CNTLN: variants seen among roughly 807,000 people sequenced by gnomAD.
CNTLN encodes centlein, centrosomal protein.
CNTLN carries 212 observed loss-of-function variants against 180.0 expected under a neutral mutation model. The observed-to-expected ratio is 1.18, with a 90% CI of 1.05 to 1.32. The LOEUF (loss-of-function observed/expected upper bound fraction) is 1.32, where lower values mean the gene tolerates loss of function less well. Among genes scored for constraint, CNTLN ranks in the 40% most tolerant of loss-of-function variants. The pLI is 0.00. For missense variants in CNTLN, 2,095 were observed against 1,610.9 expected (o/e 1.30, Z -5.14); for synonymous variants, 722 against 563.1 (o/e 1.28, Z -3.99).
At chr9:17,135,989 C>T (rs1279884867) in intron 1 of CNTLN, among the ~76,000 whole-genome samples, 1 of 145,818 alleles carries the variant, frequency 6.9e-6, no homozygotes, top group Non-Finnish European at 1.5e-5. Flanking sequence ...TGTTTATTAA[C>T]CAGCTATGGT....
At chr9:17,385,414 C>T (rs560197481) in intron 13 of CNTLN, among the ~76,000 whole-genome samples, 1 of 152,276 alleles carries the variant, frequency 6.6e-6, no homozygotes, top group African/African-American at 2.4e-5. Flanking sequence ...CCTCTTGCAG[C>T]CAGTCCTCAT....
At chr9:17,337,358 G>A (rs1268547206) in intron 10 of CNTLN, among the ~76,000 whole-genome samples, 1 of 151,942 alleles carries the variant, frequency 6.6e-6, no homozygotes, top group Non-Finnish European at 1.5e-5. Flanking sequence ...CATTGCTTTT[G>A]GTGTTTTAGT....
chr9:17,311,724 G>A (rs10963023), intron 8 of CNTLN, among the ~76,000 whole-genome samples: 118,645 of 151,360 alleles, frequency 0.78, 47,584 homozygotes, highest in Non-Finnish European at 0.87. Flanking sequence ...CAGGAGAATT[G>A]CTCCAACGTG....
intron 2 of CNTLN, among the ~76,000 whole-genome samples, chr9:17,204,370 A>G (rs1280357260): frequency 6.7e-6 from 1 of 150,162 alleles, no homozygotes. Flanking sequence ...TGTTTTTTTT[A>G]TGTGGGGGTC....
intron 10 of CNTLN, among the ~76,000 whole-genome samples, chr9:17,339,007 G>A (rs1279301290): frequency 1.3e-5 from 2 of 152,066 alleles, no homozygotes; most frequent in Non-Finnish European, 1.5e-5. Flanking sequence ...TCCTACTTTA[G>A]CAAATTTGCA....
chr9:17,210,741 G>T (rs531591162), intron 2 of CNTLN, among the ~76,000 whole-genome samples: 28 of 152,230 alleles, frequency 1.8e-4, no homozygotes, highest in African/African-American at 6.0e-4. Flanking sequence ...TTTAATGATT[G>T]TCATTCTAAC....
chr9:17,237,354 TACAC>T (rs59168012), intron 5 of CNTLN, among the ~76,000 whole-genome samples: 17,087 of 106,212 alleles, frequency 0.16, 1,415 homozygotes, highest in African/African-American at 0.19. Flanking sequence ...TATATGCCCC[TACAC>T]ACACACACAC....
chr9:17,302,706 G>C (rs1350472635), intron 7 of CNTLN, among the ~76,000 whole-genome samples: 2 of 152,152 alleles, frequency 1.3e-5, no homozygotes, highest in East Asian at 3.9e-4. Flanking sequence ...AAACTTTATG[G>C]CGATGTTTCT....
rs57960408 is a variant in CNTLN at position 17,202,646 on chromosome 9, G to GTTTTTTT, written c.450-23539_450-23533dup. Reference sequence around the variant, plus strand: ...ATCAGAGCCTAGGATTGCAACCTCTGTTTTTTTTTTTTTTTTTTTTTTTTG... The same window carrying GTTTTTTT: ...ATCAGAGCCTAGGATTGCAACCTCTGTTTTTTTTTTTTTTTTTTTTTTTTTTTTTTTG... On this transcript the variant is annotated intron_variant, in intron 2 of 25. Coordinates refer to ENST00000380647, the MANE Select transcript of CNTLN (RefSeq NM_017738.4). Among the ~76,000 whole-genome samples, 285 of 71,376 alleles carry GTTTTTTT rather than the reference G, an allele frequency of 4.0e-3. 3 individuals carry two copies. Among genetic ancestry groups the GTTTTTTT allele is most frequent in the South Asian group, 9.0e-3 (15 of 1,660 alleles). The allele number at this position is 71,376 out of a possible 152,430, so 46.8% of individuals were successfully genotyped here.
intron 8 of CNTLN, among the ~76,000 whole-genome samples, chr9:17,324,657 TGTCATCTACTG>T (rs1300881945): frequency 6.6e-6 from 1 of 152,148 alleles, no homozygotes; most frequent in Non-Finnish European, 1.5e-5. Flanking sequence ...TACCCATAAT[TGTCATCTACTG>T]GATATAAGTA....
At chr9:17,301,998 GT>G in intron 7 of CNTLN, 1 of 979,110 alleles carries the variant, frequency 1.0e-6, no homozygotes, top group Non-Finnish European at 1.2e-6. Flanking sequence ...TATGTTATTT[GT>G]TTTACTATTG....
At chr9:17,450,583 C>G (rs1012067777) in intron 18 of CNTLN, among the ~76,000 whole-genome samples, 2 of 152,154 alleles carry the variant, frequency 1.3e-5, no homozygotes, top group Non-Finnish European at 2.9e-5. Context: ...GATTAATCTA[C>G]CATTGGCCAA....
chr9:17,290,329 G>C (rs958899831), intron 6 of CNTLN, among the ~76,000 whole-genome samples: 1 of 151,284 alleles, frequency 6.6e-6, no homozygotes, highest in Non-Finnish European at 1.5e-5. Flanking sequence ...TCGGGGGTCA[G>C]GGGTCAGGGA....
Position 17,226,186 on chromosome 9 carries a change from C to T in CNTLN, c.450-17C>T, listed in dbSNP as rs773698116. On this transcript the variant is annotated splice_polypyrimidine_tract_variant and intron_variant, in intron 2 of 25. Coordinates refer to ENST00000380647, the MANE Select transcript of CNTLN (RefSeq NM_017738.4). ...CTACCAGTTATGACTAATAAACTCT[C>T]TATATTTTATATCTAGAGAAAAACA... 2.9e-6 allele frequency: 4 copies of T among 1,387,546 alleles called. No individual in the cohort carries two copies. Among genetic ancestry groups the T allele is most frequent in the Admixed American group, 4.2e-5 (2 of 47,730 alleles). 86.0% of individuals were successfully genotyped at this position (1,387,546 alleles called of 1,614,324 possible). A position where few individuals can be genotyped will look rare whatever the true frequency, so the allele number is the denominator to read the frequency against.
At chr9:17,201,506 T>C (rs900741335) in intron 2 of CNTLN, among the ~76,000 whole-genome samples, 10 of 152,210 alleles carry the variant, frequency 6.6e-5, no homozygotes, top group Non-Finnish European at 1.3e-4. Context: ...GCTGCCTCAA[T>C]TGCAGAACTT....
intron 18 of CNTLN, among the ~76,000 whole-genome samples, chr9:17,431,210 A>T (rs1829401541): frequency 6.6e-6 from 1 of 152,242 alleles, no homozygotes; most frequent in Admixed American, 6.5e-5. Context: ...CCTCACTAGC[A>T]TCTGTTAATT....
rs1048695415 is a variant in CNTLN, at chr9:17,399,750, C to G, written c.2615+4681C>G. On this transcript the variant is annotated intron_variant, in intron 15 of 25. Transcript: ENST00000380647. Reference sequence around the variant, plus strand: ...TGCTAGAATGACTCTGTGACCTTCTCCCCTGAAACAGATTATAAGATCCTC... The same window carrying G: ...TGCTAGAATGACTCTGTGACCTTCTGCCCTGAAACAGATTATAAGATCCTC... 2.6e-5 allele frequency among the ~76,000 whole-genome samples: 4 copies of G among 152,178 alleles called. No individual in the cohort carries two copies. The East Asian group carries it at 7.7e-4, about 29-fold the overall frequency.
At chr9:17,301,806 T>C in intron 7 of CNTLN, 1 of 981,804 alleles carries the variant, frequency 1.0e-6, no homozygotes, top group Non-Finnish European at 1.2e-6. Flanking sequence ...AACAAAGTCT[T>C]TTATAATTCC....
chr9:17,205,058 G>T (rs945213020), intron 2 of CNTLN, among the ~76,000 whole-genome samples: 1 of 152,098 alleles, frequency 6.6e-6, no homozygotes, highest in African/African-American at 2.4e-5. Context: ...ATCATCCCAG[G>T]TCGACTTCAG....
Sources: allele counts gnomAD v4.1 joint callset (sites outside exome capture counted in the v4.1 genomes callset), GRCh38; gene constraint gnomAD v4.1.1; transcripts MANE v1.5; gene names NCBI Gene and HGNC (gene_info 2026-07-23, HGNC 2026-07-21).